DYRK4: variants seen among roughly 807,000 people sequenced by gnomAD.
DYRK4 encodes the protein dual specificity tyrosine-phosphorylation-regulated kinase 4.
A neutral mutation model predicts 68.3 loss-of-function variants in DYRK4; 64 were observed. The ratio of observed to expected loss-of-function variants is 0.94; its 90% CI spans 0.77 to 1.15. The LOEUF (loss-of-function observed/expected upper bound fraction) is 1.15. Among genes scored for constraint, DYRK4 ranks in the 50% most tolerant of loss-of-function variants. The pLI is 0.00. For missense variants in DYRK4, 740 were observed against 764.7 expected, an observed-to-expected ratio of 0.97 and a Z score of 0.38; for synonymous variants, 274 against 289.9, an observed-to-expected ratio of 0.95 and a Z score of 0.56.
chr12:4,577,136 T>C (rs1217260495), intron 2 of DYRK4, among the ~76,000 whole-genome samples: 1 of 152,246 alleles, frequency 6.6e-6, no homozygotes, highest in Non-Finnish European at 1.5e-5. Context: ...AGTTTCGTGA[T>C]TTCTATTTAG....
chr12:4,570,639 C>G (rs527530061), intron 2 of DYRK4, among the ~76,000 whole-genome samples: 1 of 152,150 alleles, frequency 6.6e-6, no homozygotes, highest in Admixed American at 6.5e-5. Context: ...GTCTACTGCC[C>G]CAAGCAGGTG....
chr12:4,585,021 G>A (rs991165181), intron 2 of DYRK4, among the ~76,000 whole-genome samples: 2 of 152,144 alleles, frequency 1.3e-5, no homozygotes, highest in African/African-American at 2.4e-5. Flanking sequence ...CAGAGGAGGG[G>A]CCCTGGGTCA....
chr12:4,607,398 G>A lies in DYRK4; in HGVS notation c.1360+11G>A. The A allele has an allele frequency of 6.2e-7, 1 of 1,614,156 alleles. No individual in the cohort carries two copies. The highest frequency in any genetic ancestry group is 8.5e-7 in the Non-Finnish European group (1 of 1,180,006). On this transcript the variant is annotated intron_variant, in intron 12 of 14. Transcript: ENST00000543431. Reference sequence around the variant, plus strand: ...GACAGACATTCTTTGGTAAGTCCTAGTGTGTCTCATGAGGTGTCACAGGCC... The same window carrying A: ...GACAGACATTCTTTGGTAAGTCCTAATGTGTCTCATGAGGTGTCACAGGCC...
intron 12 of DYRK4, 180 bp from the exon 13 acceptor site, chr12:4,609,975 G>A (rs1197217791): frequency 9.6e-6 from 4 of 417,148 alleles, no homozygotes; most frequent in Non-Finnish European, 1.7e-5. Context: ...CATTCCTTGG[G>A]TAATCTACAC....
At chr12:4,588,223 C>A (rs1024304407) in intron 2 of DYRK4, among the ~76,000 whole-genome samples, 1 of 152,086 alleles carries the variant, frequency 6.6e-6, no homozygotes, top group Non-Finnish European at 1.5e-5. Context: ...CCATGCCTGG[C>A]CTTACTTTTT....
chr12:4,607,434 C>T, intron 12 of DYRK4, 47 bp downstream of exon 12: 1 of 1,590,162 alleles, frequency 6.3e-7, no homozygotes, highest in Non-Finnish European at 8.6e-7. Context: ...TTGAAGACAC[C>T]TGCCATACCT....
At position 4,607,150 on chromosome 12, in the gene DYRK4, G is replaced by A. The variant is rs541587915; in HGVS notation, c.1300-177G>A. Among the ~76,000 whole-genome samples, 15 of 152,316 alleles carry A rather than the reference G, an allele frequency of 9.8e-5. No homozygotes were observed. The East Asian group carries it at 2.3e-3, about 23-fold the overall frequency. On this transcript the variant is annotated intron_variant, in intron 11 of 14. Coordinates refer to ENST00000543431, the MANE Select transcript of DYRK4 (RefSeq NM_001394779.1). ...TTCTTAGGATATGAAACCAGCCCTGGATTAGGAGTTAAAAGGCCCAGGCTC... is the reference window on the plus strand; with the variant it reads ...TTCTTAGGATATGAAACCAGCCCTGAATTAGGAGTTAAAAGGCCCAGGCTC...
Position 4,591,328 on chromosome 12 carries a change from G to T in DYRK4, c.463+30G>T. On this transcript the variant is annotated intron_variant, in intron 5 of 14. Transcript: ENST00000543431. This position sits in a 1 kb window ranked among gnomAD's most constrained non-coding sequence, Gnocchi z 4.1. Reference sequence around the variant, plus strand: ...GCCTTTGGGGCAGTAGCAGGGTGGGGAGGTGCTTATGGAAGGTCGGGGTGT... The same window carrying T: ...GCCTTTGGGGCAGTAGCAGGGTGGGTAGGTGCTTATGGAAGGTCGGGGTGT... The T allele has an allele frequency of 6.2e-7, 1 of 1,611,138 alleles. No homozygotes were observed. The highest frequency in any genetic ancestry group is 8.5e-7 in the Non-Finnish European group (1 of 1,178,790).
chr12:4,602,755 A>G (rs991032361), intron 10 of DYRK4: 168 of 1,522,440 alleles, frequency 1.1e-4, no homozygotes, highest in Non-Finnish European at 1.4e-4. Context: ...CAAATTTTCC[A>G]TCTCTCTCTA....
intron 2 of DYRK4, among the ~76,000 whole-genome samples, chr12:4,575,008 A>G (rs1167154065): frequency 1.3e-5 from 2 of 152,064 alleles, no homozygotes; most frequent in Non-Finnish European, 2.9e-5. Flanking sequence ...GCGTGAGCCA[A>G]TGTGCCCGGC....
rs368133168 is a variant in DYRK4, at chr12:4,577,789, C to T, written c.132+9741C>T. Among the ~76,000 whole-genome samples, 6 of 152,180 alleles carry T rather than the reference C, an allele frequency of 3.9e-5. No individual in the cohort carries two copies. In the East Asian group the frequency reaches 9.6e-4, roughly 24 times the overall value. On this transcript the variant is annotated intron_variant, in intron 2 of 14. Coordinates refer to ENST00000543431, the MANE Select transcript of DYRK4 (RefSeq NM_001394779.1). ...GAAAATATCTCAATTTATTTAGATCCTCTTTGATTTCTTCAACCAGAGTTT... is the reference window on the plus strand; with the variant it reads ...GAAAATATCTCAATTTATTTAGATCTTCTTTGATTTCTTCAACCAGAGTTT...
chr12:4,594,031 T>C (rs981476336), intron 6 of DYRK4, among the ~76,000 whole-genome samples: 1 of 152,224 alleles, frequency 6.6e-6, no homozygotes, highest in Non-Finnish European at 1.5e-5. Flanking sequence ...GTGCTGTTGA[T>C]GCTTGGACCA....
chr12:4,599,284 T>TG, intron 9 of DYRK4, 118 bp downstream of exon 9: 1 of 1,149,626 alleles, frequency 8.7e-7, no homozygotes, highest in Non-Finnish European at 1.2e-6. Context: ...TTTTTTTTTT[T>TG]TTTTTTTTGG....
At chr12:4,596,501 T>TG in intron 7 of DYRK4, 88 bp from the exon 8 acceptor site, 6 of 1,538,766 alleles carry the variant, frequency 3.9e-6, no homozygotes, top group Non-Finnish European at 5.2e-6. Context: ...GTTGGGGTCA[T>TG]GGGGAGGGGC....
rs1164979799 is a variant in DYRK4 at position 4,613,591 on chromosome 12, G to A, written c.1743G>A (p.Gln581=). The A allele has an allele frequency of 3.1e-6, 5 of 1,614,034 alleles. No individual in the cohort carries two copies. The change falls in exon 15 of 15, where the codon CAG becomes CAA. Residue 581 remains glutamine (Q), a synonymous_variant. Coordinates refer to ENST00000543431, the MANE Select transcript of DYRK4 (RefSeq NM_001394779.1). This position sits in a 1 kb window ranked among gnomAD's most constrained non-coding sequence, Gnocchi z 4.0. ...TKHVQHSGDQ[Q]DCLQHGADTV... The stretch of plus-strand genomic sequence containing the variant: ...ATGTTCAGCATTCAGGTGATCAGCA[G>A]GACTGTCTCCAGCACGGAGCTGACA...
At chr12:4,562,712 G>A (rs1944639981) in intron 1 of DYRK4, among the ~76,000 whole-genome samples, 1 of 152,172 alleles carries the variant, frequency 6.6e-6, no homozygotes, top group Non-Finnish European at 1.5e-5. Context: ...CACACGCCTC[G>A]CGTGGATGAG....
chr12:4,607,037 T>G (rs1945160245), intron 11 of DYRK4, among the ~76,000 whole-genome samples: 1 of 152,236 alleles, frequency 6.6e-6, no homozygotes, highest in African/African-American at 2.4e-5. Context: ...TTTATTTGCT[T>G]TGACAATGAC....
At chr12:4,598,418 T>C (rs1945042930) in intron 8 of DYRK4, among the ~76,000 whole-genome samples, 2 of 152,240 alleles carry the variant, frequency 1.3e-5, no homozygotes, top group Admixed American at 6.5e-5. Flanking sequence ...ATTGTATTAA[T>C]ATTAGTTTCT....
intron 7 of DYRK4, 60 bp from the exon 8 acceptor site, chr12:4,596,529 C>T (rs1034812510): frequency 1.3e-6 from 2 of 1,585,456 alleles, no homozygotes; most frequent in South Asian, 1.2e-5. Context: ...TGCAGCGGGA[C>T]CTGACACTGA....
Sources: allele counts gnomAD v4.1 joint callset (sites outside exome capture counted in the v4.1 genomes callset), GRCh38; gene constraint gnomAD v4.1.1; non-coding constraint Gnocchi (gnomAD v3.1); transcripts MANE v1.5; gene names NCBI Gene and HGNC (gene_info 2026-07-23, HGNC 2026-07-21).